The following AXIN2 variants were observed in gnomAD, a reference collection of about 807,000 sequenced individuals.
AXIN2 encodes axin 2.
Under a neutral mutation model 74.7 loss-of-function variants are expected in AXIN2, and 21 were observed. The observed-to-expected ratio is 0.28, with a 90% CI of 0.20 to 0.40. The LOEUF (loss-of-function observed/expected upper bound fraction) is 0.40, where lower values mean the gene tolerates loss of function less well. Ranked by LOEUF, AXIN2 falls within the 10% of genes least tolerant of loss-of-function variation. The pLI is 1.00. For missense variants in AXIN2, 1,144 were observed against 1,111.1 expected (o/e 1.03, Z -0.42); for synonymous variants, 532 against 454.9 (o/e 1.17, Z -2.16).
intron 2 of AXIN2, 50 bp downstream of exon 2, chr17:65,557,756 C>CTT (rs1567768285): frequency 6.3e-7 from 1 of 1,584,660 alleles, no homozygotes; most frequent in Non-Finnish European, 8.7e-7. Flanking sequence ...ATACTTAAAA[C>CTT]ATCTGCAAAG....
Position 65,528,816 on chromosome 17 carries a change from C to T in AXIN2, c.*1160G>A, listed in dbSNP as rs917816853. 7.2e-5 allele frequency: 34 copies of T among 471,174 alleles called. No homozygotes were observed. Among genetic ancestry groups the T allele is most frequent in the Admixed American group, 1.7e-4 (5 of 28,812 alleles). The allele number at this position is 471,174 out of a possible 1,614,324, so 29.2% of individuals were successfully genotyped here. A position where few individuals can be genotyped will look rare whatever the true frequency, so the allele number is the denominator to read the frequency against. On this transcript the variant is annotated 3_prime_UTR_variant, in exon 11 of 11. Coordinates refer to ENST00000307078, the MANE Select transcript of AXIN2 (RefSeq NM_004655.4). The stretch of plus-strand genomic sequence containing the variant: ...TAGGGCGACACACGGAGCGGGTGAC[C>T]GTGCAGGTACAGGTACTGTACTGAT...
chr17:65,531,854 T>C (rs1219614953), intron 10 of AXIN2, among the ~76,000 whole-genome samples: 2 of 152,194 alleles, frequency 1.3e-5, no homozygotes, highest in East Asian at 3.8e-4. Flanking sequence ...CCCTGCCATG[T>C]TGAGATTACT....
Position 65,558,161 on chromosome 17 carries a change from T to G in AXIN2, c.460A>C (p.Lys154Gln). The change falls in exon 2 of 11, where the codon AAG (lysine) becomes CAG (glutamine). Residue 154 changes from lysine to glutamine, a missense_variant. Physicochemically the swap from Lys to Gln is moderately conservative, Grantham distance 53 (BLOSUM62 1). This residue lies in a region of AXIN2 where 1,053 missense variants were observed against 973.5 expected (regional missense o/e 1.08). Transcript: ENST00000307078. ...TTGATGCCATCTCTTATGTAGGTCT[T>G]GGTGGCAGGCTTCAGCTGCTTGGAG... ...IVSKQLKPAT[K>Q]TYIRDGIKKQ... 6.2e-7 allele frequency: 1 copy of G among 1,609,368 alleles called. No homozygotes were observed. Among genetic ancestry groups the G allele is most frequent in the Non-Finnish European group, 8.5e-7 (1 of 1,178,118 alleles).
chr17:65,530,871 C>T (rs1462313405), intron 10 of AXIN2, among the ~76,000 whole-genome samples: 1 of 152,064 alleles, frequency 6.6e-6, no homozygotes, highest in Non-Finnish European at 1.5e-5. Context: ...CCCTCCCCAG[C>T]GTTCTTTCTT....
rs2043782820 is a variant in AXIN2 at position 65,529,611 on chromosome 17, G to GT, written c.*364dup. On this transcript the variant is annotated 3_prime_UTR_variant, in exon 11 of 11. Coordinates refer to ENST00000307078, the MANE Select transcript of AXIN2 (RefSeq NM_004655.4). ...GAAATCAACTGTTCTATAAATATCA[G>GT]TAAGGATTCCTGTTCAGGTAAGCTA... 1 of 399,690 alleles carries GT rather than the reference G, an allele frequency of 2.5e-6. No homozygotes were observed. Among genetic ancestry groups the GT allele is most frequent in the Admixed American group, 4.1e-5 (1 of 24,178 alleles). The allele number at this position is 399,690 out of a possible 1,614,324, so 24.8% of individuals were successfully genotyped here.
At chr17:65,548,507 C>G (rs1321499712) in intron 3 of AXIN2, among the ~76,000 whole-genome samples, 1 of 152,216 alleles carries the variant, frequency 6.6e-6, no homozygotes, top group Non-Finnish European at 1.5e-5. Context: ...GTTCCTTTAG[C>G]AGGCGAAATT....
chr17:65,535,784 G>A, intron 8 of AXIN2, 63 bp from the exon 9 acceptor site: 2 of 1,481,122 alleles, frequency 1.4e-6, no homozygotes, highest in Non-Finnish European at 1.9e-6. Context: ...CAATTGAAAA[G>A]CAGACAGAAA....
intron 10 of AXIN2, among the ~76,000 whole-genome samples, chr17:65,530,631 G>A (rs1385016974): frequency 3.9e-5 from 6 of 152,178 alleles, no homozygotes; most frequent in Admixed American, 3.3e-4. Flanking sequence ...AAGGCCTCTC[G>A]GCCTTCCCAT....
At chr17:65,538,133 G>C in intron 5 of AXIN2, 70 bp downstream of exon 5, 1 of 1,609,162 alleles carries the variant, frequency 6.2e-7, no homozygotes, top group African/African-American at 1.4e-5. Context: ...CGCACCCCAT[G>C]CACATGCGCA....
Position 65,561,591 on chromosome 17 carries a change from C to G in AXIN2, c.-258G>C, listed in dbSNP as rs930894846. The G allele has an allele frequency of 2.6e-5, 4 of 151,670 alleles. No individual in the cohort carries two copies. Among genetic ancestry groups the G allele is most frequent in the Non-Finnish European group, 4.4e-5 (3 of 67,692 alleles). 9.4% of individuals were successfully genotyped at this position (151,670 alleles called of 1,614,324 possible). A position where few individuals can be genotyped will look rare whatever the true frequency, so the allele number is the denominator to read the frequency against. On this transcript the variant is annotated 5_prime_UTR_variant, in exon 1 of 11. Transcript: ENST00000307078. ...TTATCAAAGCGCAGCCGGCTCCAGCCGACTCCCCCGGGCCAGGCTCGCGGA... is the reference window on the plus strand; with the variant it reads ...TTATCAAAGCGCAGCCGGCTCCAGCGGACTCCCCCGGGCCAGGCTCGCGGA...
chr17:65,554,769 T>A (rs1016113938), intron 2 of AXIN2, among the ~76,000 whole-genome samples: 2 of 152,148 alleles, frequency 1.3e-5, no homozygotes, highest in African/African-American at 2.4e-5. Flanking sequence ...AGCCCCACCT[T>A]GGGCAGGACA....
chr17:65,554,075 G>T (rs1053701834), intron 2 of AXIN2, among the ~76,000 whole-genome samples: 1 of 152,136 alleles, frequency 6.6e-6, no homozygotes, highest in African/African-American at 2.4e-5. Flanking sequence ...GGAACCTTCA[G>T]GGAAAGGAGG....
intron 2 of AXIN2, among the ~76,000 whole-genome samples, chr17:65,557,146 T>G (rs994481444): frequency 4.6e-5 from 7 of 152,148 alleles, no homozygotes; most frequent in African/African-American, 9.7e-5. Flanking sequence ...CTCGGACTCA[T>G]GAGCATTTAA....
intron 9 of AXIN2, among the ~76,000 whole-genome samples, chr17:65,535,008 G>A (rs1449423320): frequency 6.6e-6 from 1 of 152,190 alleles, no homozygotes; most frequent in Admixed American, 6.5e-5. Flanking sequence ...CAATGAAAGG[G>A]TCCAGGGCAG....
At chr17:65,533,461 G>T (rs1230765829) in intron 10 of AXIN2, among the ~76,000 whole-genome samples, 1 of 152,186 alleles carries the variant, frequency 6.6e-6, no homozygotes, top group Non-Finnish European at 1.5e-5. Flanking sequence ...CAATGTGGGG[G>T]TCTCTCCTAA....
chr17:65,555,256 C>T (rs866087964), intron 2 of AXIN2, among the ~76,000 whole-genome samples: 8 of 152,196 alleles, frequency 5.3e-5, no homozygotes, highest in African/African-American at 1.9e-4. Context: ...GCAGCACTGA[C>T]GTTTCTGTTC....
At chr17:65,553,918 T>C (rs778099789) in intron 2 of AXIN2, among the ~76,000 whole-genome samples, 32 of 151,686 alleles carry the variant, frequency 2.1e-4, no homozygotes, top group Admixed American at 5.2e-4. Flanking sequence ...CTCAGGACTG[T>C]TGTGCTTCCA....
At chr17:65,549,775 G>T (rs2044166793) in intron 2 of AXIN2, 115 bp from the exon 3 acceptor site, 5 of 1,347,984 alleles carry the variant, frequency 3.7e-6, no homozygotes, top group Non-Finnish European at 4.1e-6. Flanking sequence ...ACGCCAACCT[G>T]CTGCCCAGGT....
At chr17:65,551,405 A>G (rs1273927256) in intron 2 of AXIN2, among the ~76,000 whole-genome samples, 2 of 152,206 alleles carry the variant, frequency 1.3e-5, no homozygotes, top group African/African-American at 4.8e-5. Flanking sequence ...GTAGGTCTTC[A>G]GTGCAAGGTC....
Sources: gnomAD v4.1 joint callset for allele counts (sites outside exome capture counted in the v4.1 genomes callset) on GRCh38, gnomAD v4.1.1 for gene constraint, gnomAD v4.1.1 regional missense constraint, MANE v1.5 for transcripts, NCBI Gene and HGNC (gene_info 2026-07-23, HGNC 2026-07-21) for gene names.